Variants in SGTA observed in about 807,000 individuals in gnomAD.
SGTA encodes small glutamine-rich tetratricopeptide repeat-containing protein alpha.
Under a neutral mutation model 44.3 loss-of-function variants are expected in SGTA, and 22 were observed. That is an observed-to-expected ratio of 0.50 (90% CI 0.36 to 0.71). The LOEUF (loss-of-function observed/expected upper bound fraction) is 0.71, where lower values mean the gene tolerates loss of function less well. SGTA is among the 30% of genes least tolerant of loss of function. The pLI is 0.00. For synonymous variants in SGTA, 174 were observed against 177.6 expected (o/e 0.98, Z 0.16); for missense variants, 341 against 435.9 (o/e 0.78, Z 1.94).
chr19:2,781,100 C>T (rs1915564690), intron 1 of SGTA, among the ~76,000 whole-genome samples: 1 of 152,178 alleles, frequency 6.6e-6, no homozygotes, highest in Admixed American at 6.5e-5. Context: ...CCCTTTGTTC[C>T]TTCAGCCTGT....
rs369302386 is a variant in SGTA, at chr19:2,769,022, T to C, written c.47A>G (p.His16Arg). Residue 16 changes from histidine to arginine, a missense_variant, in exon 2 of 12, where the codon CAT becomes CGT. Physicochemically the swap from His to Arg is conservative, Grantham distance 29. Transcript: ENST00000221566. ...GAGGCCCCCGTGCCGGAGCTGGTCA[T>C]GCAGGAACTGGATGATGGCGTAGGC... Reference protein sequence around the residue: ...RLAYAIIQFLHDQLRHGGLSS... With the variant: ...RLAYAIIQFLRDQLRHGGLSS... 10 of 1,613,926 alleles carry C rather than the reference T, an allele frequency of 6.2e-6. No individual in the cohort carries two copies. In the African/African-American group the frequency reaches 1.2e-4, roughly 19 times the overall value.
chr19:2,767,723 G>A lies in SGTA; in HGVS notation c.101-37C>T, dbSNP rs1279056262. 3.3e-6 allele frequency: 5 copies of A among 1,529,362 alleles called. No homozygotes were observed. In the East Asian group the frequency reaches 6.8e-5, roughly 21 times the overall value. The allele number at this position is 1,529,362 out of a possible 1,614,324, so 94.7% of individuals were successfully genotyped here. On this transcript the variant is annotated intron_variant, in intron 2 of 11. Transcript: ENST00000221566. This position sits in a 1 kb window ranked among gnomAD's most constrained non-coding sequence, Gnocchi z 7.3. ...ACAGAGGCGGTCCCATTCATTGCAC[G>A]CAGCCCCGAGGTTACGTTTTTGGGT... is the stretch of plus-strand genomic sequence containing the variant.
chr19:2,759,187 A>T (rs1914913982), intron 9 of SGTA, 70 bp downstream of exon 9: 1 of 1,406,134 alleles, frequency 7.1e-7, no homozygotes. Flanking sequence ...GTTTTATGTT[A>T]AGTGAATTTA....
chr19:2,768,943 G>A, intron 2 of SGTA, 26 bp downstream of exon 2: 13 of 1,552,638 alleles, frequency 8.4e-6, no homozygotes, highest in Non-Finnish European at 1.2e-5. Flanking sequence ...CCCGGGGAGA[G>A]GGGGAAGTGG....
At chr19:2,758,683 C>T (rs1299381191) in intron 9 of SGTA, among the ~76,000 whole-genome samples, 1 of 152,176 alleles carries the variant, frequency 6.6e-6, no homozygotes, top group African/African-American at 2.4e-5. Context: ...CGATTGCACA[C>T]CCGTGCTCAA....
At chr19:2,779,527 G>A (rs1915522637) in intron 1 of SGTA, among the ~76,000 whole-genome samples, 1 of 152,246 alleles carries the variant, frequency 6.6e-6, no homozygotes, top group South Asian at 2.1e-4. Context: ...AACTTGTAGG[G>A]TTTGGCTGTG....
In SGTA at chr19:2,757,708, G is replaced by A. The variant is rs750458204; in HGVS notation, c.812C>T (p.Ala271Val). ...TTCCACTCACGCCTGGATGAGGCTG[G>A]CCAGGTCGTTCTGCGAGGGGCTGGT... ...PGTSPSQNDL[A>V]SLIQAGQQFA... Residue 271 changes from alanine (A) to valine (V), a missense_variant, in exon 10 of 12, where the codon GCC (alanine) becomes GTC (valine). Transcript: ENST00000221566. 3 of 1,591,886 alleles carry A rather than the reference G, an allele frequency of 1.9e-6. No homozygotes were observed. The highest frequency in any genetic ancestry group is 2.6e-6 in the Non-Finnish European group (3 of 1,170,290).
Position 2,757,372 on chromosome 19 carries a change from T to C in SGTA, c.913A>G (p.Ser305Gly), listed in dbSNP as rs1260235606. ...LRSQIRSRTPSASNDDQQE is the reference protein window; with the variant it reads ...LRSQIRSRTPGASNDDQQE ...TCCTGCTGGTCGTCGTTGCTGGCGC[T>C]GGGCGTCCGACTCCGGATCTGGCTC... Residue 305 changes from serine to glycine, a missense_variant, in exon 11 of 12, where the codon AGC becomes GGC. By Grantham distance (56) the Ser-to-Gly change is moderately conservative. Coordinates refer to ENST00000221566, the MANE Select transcript of SGTA (RefSeq NM_003021.4). The C allele has an allele frequency of 5.0e-6, 8 of 1,605,348 alleles. No homozygotes were observed. Among genetic ancestry groups the C allele is most frequent in the Non-Finnish European group, 3.4e-6 (4 of 1,179,894 alleles).
intron 1 of SGTA, among the ~76,000 whole-genome samples, chr19:2,779,578 C>T (rs1181402706): frequency 6.6e-6 from 1 of 152,174 alleles, no homozygotes. Context: ...CTCCCAACAG[C>T]GAGGGCTTTA....
Position 2,761,447 on chromosome 19 carries a change from G to A in SGTA, c.699+13C>T. ...GCAGACACCATGGACAGGGAGGAGG[G>A]GCGGGCCGTTACCATGCTCATGAAG... On this transcript the variant is annotated intron_variant, in intron 8 of 11. Transcript: ENST00000221566. The surrounding 1 kb of genome is among the most constrained non-coding windows in gnomAD (Gnocchi z 5.7). 2 of 1,550,598 alleles carry A rather than the reference G, an allele frequency of 1.3e-6. No homozygotes were observed. Among genetic ancestry groups the A allele is most frequent in the Non-Finnish European group, 1.7e-6 (2 of 1,146,108 alleles).
intron 1 of SGTA, among the ~76,000 whole-genome samples, chr19:2,771,304 A>G (rs572593389): frequency 9.2e-5 from 14 of 152,226 alleles, no homozygotes; most frequent in Admixed American, 7.8e-4. Context: ...CGTGCCTGTA[A>G]TCCCAGCTAC....
intron 1 of SGTA, among the ~76,000 whole-genome samples, chr19:2,778,699 A>G (rs897468691): frequency 8.5e-5 from 13 of 152,306 alleles, no homozygotes; most frequent in African/African-American, 3.1e-4. Context: ...GGCTGCACAC[A>G]TTGAAATTCA....
chr19:2,782,445 G>A (rs1915594313), intron 1 of SGTA: 1 of 152,230 alleles, frequency 6.6e-6, no homozygotes, highest in Non-Finnish European at 1.5e-5. Context: ...CTCTTATCAA[G>A]TTCCAGGCAC....
In SGTA at chr19:2,761,839, G is replaced by C. The variant is rs565007595; in HGVS notation, c.637-317C>G. On this transcript the variant is annotated intron_variant, in intron 7 of 11. Transcript: ENST00000221566. This position sits in a 1 kb window ranked among gnomAD's most constrained non-coding sequence, Gnocchi z 5.7. ...TCATCCCGTGTTTATTCCCCGCACA[G>C]CGCGACCGCCCGGGGACGGCACAGT... Among the ~76,000 whole-genome samples, 1,045 of 141,156 alleles carry C rather than the reference G, an allele frequency of 7.4e-3. 14 individuals carry two copies. The highest frequency in any genetic ancestry group is 0.027 in the African/African-American group (991 of 36,904). 92.6% of individuals were successfully genotyped at this position (141,156 alleles called of 152,430 possible).
chr19:2,759,767 C>T (rs1403255699), intron 8 of SGTA, among the ~76,000 whole-genome samples: 1 of 152,012 alleles, frequency 6.6e-6, no homozygotes. Context: ...TCGAGACCAG[C>T]CTAACCAACA....
intron 1 of SGTA, among the ~76,000 whole-genome samples, chr19:2,769,346 G>A (rs759753581): frequency 2.6e-5 from 4 of 152,172 alleles, no homozygotes; most frequent in African/African-American, 7.2e-5. Flanking sequence ...TAGAGAACCC[G>A]CGTGCTCCCA....
chr19:2,777,158 G>A (rs896608884), intron 1 of SGTA, among the ~76,000 whole-genome samples: 2 of 151,670 alleles, frequency 1.3e-5, no homozygotes, highest in African/African-American at 4.9e-5. Flanking sequence ...GGCTGAGGCA[G>A]GAGAATCACT....
At chr19:2,762,670 T>C (rs1427242464) in intron 6 of SGTA, 26 bp from the exon 7 acceptor site, 4 of 1,612,578 alleles carry the variant, frequency 2.5e-6, no homozygotes, top group Non-Finnish European at 3.4e-6. Flanking sequence ...GGGGATGGAC[T>C]GTTCCCATCT....
chr19:2,782,917 T>A lies in SGTA; in HGVS notation c.-24+316A>T, dbSNP rs140069285. On this transcript the variant is annotated intron_variant, in intron 1 of 11. Transcript: ENST00000221566. The stretch of plus-strand genomic sequence containing the variant: ...AGGGACGACGTTTCCAGGCGGTTAA[T>A]AAGAGCGGAACGGCAGCGAACACCC... Among the ~76,000 whole-genome samples, 1,265 of 152,232 alleles carry A rather than the reference T, an allele frequency of 8.3e-3. 22 individuals carry two copies. Among genetic ancestry groups the A allele is most frequent in the African/African-American group, 0.029 (1,192 of 41,542 alleles).
Sources: allele counts gnomAD v4.1 joint callset (sites outside exome capture counted in the v4.1 genomes callset), GRCh38; gene constraint gnomAD v4.1.1; non-coding constraint Gnocchi (gnomAD v3.1); transcripts MANE v1.5; gene names NCBI Gene and HGNC (gene_info 2026-07-23, HGNC 2026-07-21).